CCND1: variants seen among roughly 807,000 people sequenced by gnomAD.
The protein encoded by CCND1 is G1/S-specific cyclin-D1.
CCND1 carries 9 observed loss-of-function variants against 26.1 expected under a neutral mutation model. That is an observed-to-expected ratio of 0.35 (90% confidence interval 0.21 to 0.60). The LOEUF is 0.60. CCND1 is among the 20% of genes least tolerant of loss of function. The pLI is 0.79. For missense variants in CCND1, 335 were observed against 392.9 expected (o/e 0.85, Z 1.25); for synonymous variants, 194 against 166.1 (o/e 1.17, Z -1.29).
rs1207287453 is a variant in CCND1, at chr11:69,651,843, T to C, written c.*561T>C. The C allele has an allele frequency of 4.3e-6, 1 of 233,340 alleles. No homozygotes were observed. Among genetic ancestry groups the C allele is most frequent in the African/African-American group, 2.2e-5 (1 of 45,492 alleles). The allele number at this position is 233,340 out of a possible 1,614,324, so 14.5% of individuals were successfully genotyped here. ...TGGGGTTCTAGGCATCTCTGTACTT[T>C]GCTTGCTCATATGCATGTAGTCACT... On this transcript the variant is annotated 3_prime_UTR_variant, in exon 5 of 5. Transcript: ENST00000227507.
chr11:69,653,506 T>C lies in CCND1; in HGVS notation c.*2224T>C. 1.8e-6 allele frequency: 1 copy of C among 570,032 alleles called. No individual in the cohort carries two copies. Among genetic ancestry groups the C allele is most frequent in the Non-Finnish European group, 3.1e-6 (1 of 326,786 alleles). The allele number at this position is 570,032 out of a possible 1,614,324, so 35.3% of individuals were successfully genotyped here. On this transcript the variant is annotated 3_prime_UTR_variant, in exon 5 of 5. Transcript: ENST00000227507. ...GTTGCTGTTTCACAATACCTCATGC[T>C]TCACTTAGCCATGGTGGACCCAGCG...
rs560293043 is a variant in CCND1 at position 69,645,235 on chromosome 11, G to A, written c.574+1244G>A. Among the ~76,000 whole-genome samples, 6 of 152,322 alleles carry A rather than the reference G, an allele frequency of 3.9e-5. No individual in the cohort carries two copies. The South Asian group carries it at 1.2e-3, about 32-fold the overall frequency. ...TCTCTGGCTGGTGCTCCTCAGAGGA[G>A]AGAGGCCTCCGGAGACTCCAGACAG... On this transcript the variant is annotated intron_variant, in intron 3 of 4. Coordinates refer to ENST00000227507, the MANE Select transcript of CCND1 (RefSeq NM_053056.3).
intron 2 of CCND1, 167 bp downstream of exon 2, chr11:69,643,413 C>A: frequency 1.9e-6 from 1 of 537,082 alleles, no homozygotes; most frequent in Non-Finnish European, 3.1e-6. Context: ...GGGCGGGATC[C>A]TAGCCGCCCT....
At chr11:69,647,481 C>A (rs1377139725) in intron 3 of CCND1, among the ~76,000 whole-genome samples, 3 of 150,944 alleles carry the variant, frequency 2.0e-5, no homozygotes. Context: ...GCCCCGTGGC[C>A]TGGCCCGGGT....
intron 3 of CCND1, among the ~76,000 whole-genome samples, chr11:69,645,019 C>T (rs954009331): frequency 3.9e-5 from 6 of 152,182 alleles, no homozygotes; most frequent in South Asian, 2.1e-4. Flanking sequence ...ACCGGTAGCC[C>T]GCAGCCGGTA....
intron 1 of CCND1, 128 bp from the exon 2 acceptor site, chr11:69,642,903 G>T: frequency 2.0e-6 from 1 of 492,466 alleles, no homozygotes; most frequent in Non-Finnish European, 3.3e-6. Context: ...AGCTCCTGCC[G>T]CCCCCAGCCC....
intron 1 of CCND1, among the ~76,000 whole-genome samples, chr11:69,641,894 G>A (rs1450888585): frequency 6.6e-6 from 1 of 152,176 alleles, no homozygotes; most frequent in Non-Finnish European, 1.5e-5. Context: ...CCGGGGGGAG[G>A]GGGCATAGAT....
At chr11:69,647,413 G>T (rs1042656644) in intron 3 of CCND1, among the ~76,000 whole-genome samples, 1 of 151,958 alleles carries the variant, frequency 6.6e-6, no homozygotes, top group Admixed American at 6.5e-5. Context: ...CGCCCTGAAG[G>T]CTGCCGGCCA....
chr11:69,643,649 C>T lies in CCND1; in HGVS notation c.415-183C>T, dbSNP rs866785985. On this transcript the variant is annotated intron_variant, in intron 2 of 4. Coordinates refer to ENST00000227507, the MANE Select transcript of CCND1 (RefSeq NM_053056.3). ...TTTTGATCTGGGATTGCGTGTTGCC[C>T]CAGCTCCCTTGAGTCCCCAGCATTC... 4.9e-4 allele frequency: 279 copies of T among 568,014 alleles called. 1 individual carries two copies. The highest frequency in any genetic ancestry group is 1.9e-3 in the Middle Eastern group (4 of 2,118). The allele number at this position is 568,014 out of a possible 1,614,324, so 35.2% of individuals were successfully genotyped here.
Position 69,641,248 on chromosome 11 carries a change from G to C in CCND1, c.-66G>C. 6.8e-7 allele frequency: 1 copy of C among 1,478,524 alleles called. No individual in the cohort carries two copies. The highest frequency in any genetic ancestry group is 9.3e-7 in the Non-Finnish European group (1 of 1,070,774). The allele number at this position is 1,478,524 out of a possible 1,614,324, so 91.6% of individuals were successfully genotyped here. A position where few individuals can be genotyped will look rare whatever the true frequency, so the allele number is the denominator to read the frequency against. ...CGAGGGAGCGCGGGGCAGCAGAAGC[G>C]AGAGCCGAGCGCGGACCCAGCCAGG... On this transcript the variant is annotated 5_prime_UTR_variant, in exon 1 of 5. Coordinates refer to ENST00000227507, the MANE Select transcript of CCND1 (RefSeq NM_053056.3).
At position 69,654,393 on chromosome 11, in the gene CCND1, C is replaced by A. The variant is rs1357795577; in HGVS notation, c.*3111C>A. ...CTGGTTGCACCGCGGCGCTTCCCAG[C>A]ACCAACATGTAACCGGCATGTTTCC... On this transcript the variant is annotated 3_prime_UTR_variant, in exon 5 of 5. Transcript: ENST00000227507. This position sits in a 1 kb window ranked among gnomAD's most constrained non-coding sequence, Gnocchi z 6.3. The A allele has an allele frequency of 1.0e-5, 7 of 699,694 alleles. No individual in the cohort carries two copies. In the East Asian group the frequency reaches 1.9e-4, roughly 19 times the overall value. 43.3% of individuals were successfully genotyped at this position (699,694 alleles called of 1,614,324 possible).
At chr11:69,642,141 G>C (rs902992652) in intron 1 of CCND1, among the ~76,000 whole-genome samples, 48 of 152,218 alleles carry the variant, frequency 3.2e-4, no homozygotes, top group Admixed American at 9.1e-4. Context: ...ACGCCGCTAG[G>C]GAAGGGGGGG....
intron 2 of CCND1, chr11:69,643,455 A>C: frequency 2.1e-6 from 1 of 467,394 alleles, no homozygotes. Flanking sequence ...CTTGCCTGCG[A>C]CTCCCACCGC....
intron 4 of CCND1, among the ~76,000 whole-genome samples, chr11:69,648,958 G>A (rs114756371): frequency 1.2e-4 from 19 of 152,328 alleles, no homozygotes; most frequent in African/African-American, 2.9e-4. Context: ...CCTCTGTCCC[G>A]GGGACACTGG....
chr11:69,641,531 T>C lies in CCND1; in HGVS notation c.198+20T>C, dbSNP rs2120082040. On this transcript the variant is annotated intron_variant, in intron 1 of 4. Transcript: ENST00000227507. ...CTGGAGGTGCGGGGCTTCGGGCGGC[T>C]CTCTTAAGACTTCCCTGCAACTTGT... The C allele has an allele frequency of 6.2e-7, 1 of 1,611,668 alleles. No individual in the cohort carries two copies. The highest frequency in any genetic ancestry group is 8.5e-7 in the Non-Finnish European group (1 of 1,179,430).
intron 3 of CCND1, among the ~76,000 whole-genome samples, chr11:69,645,471 C>T (rs1424575262): frequency 6.6e-6 from 1 of 152,092 alleles, no homozygotes; most frequent in African/African-American, 2.4e-5. Context: ...GCGCCCCCAG[C>T]GGTGGGTGAA....
Position 69,652,998 on chromosome 11 carries a change from G to A in CCND1, c.*1716G>A, listed in dbSNP as rs1313711693. 3.4e-5 allele frequency: 14 copies of A among 414,758 alleles called. No homozygotes were observed. The highest frequency in any genetic ancestry group is 5.1e-5 in the Non-Finnish European group (12 of 234,388). The allele number at this position is 414,758 out of a possible 1,614,324, so 25.7% of individuals were successfully genotyped here. ...AAATTAGGGTACTCAACCTAAGTTCGGTTCCGATGAATTCTTATCCCCTGC... is the reference window on the plus strand; with the variant it reads ...AAATTAGGGTACTCAACCTAAGTTCAGTTCCGATGAATTCTTATCCCCTGC... On this transcript the variant is annotated 3_prime_UTR_variant, in exon 5 of 5. Coordinates refer to ENST00000227507, the MANE Select transcript of CCND1 (RefSeq NM_053056.3).
At position 69,651,358 on chromosome 11, in the gene CCND1, C is replaced by G. The variant is rs957390352; in HGVS notation, c.*76C>G. On this transcript the variant is annotated 3_prime_UTR_variant, in exon 5 of 5. Coordinates refer to ENST00000227507, the MANE Select transcript of CCND1 (RefSeq NM_053056.3). The stretch of plus-strand genomic sequence containing the variant: ...GCCCCAGGTGCTCCCCTGACAGTCC[C>G]TCCTCTCCGGAGCATTTTGATACCA... The G allele has an allele frequency of 8.0e-7, 1 of 1,253,116 alleles. No homozygotes were observed. Among genetic ancestry groups the G allele is most frequent in the Non-Finnish European group, 1.1e-6 (1 of 951,446 alleles). 77.6% of individuals were successfully genotyped at this position (1,253,116 alleles called of 1,614,324 possible). A position where few individuals can be genotyped will look rare whatever the true frequency, so the allele number is the denominator to read the frequency against.
chr11:69,654,317 T>C lies in CCND1; in HGVS notation c.*3035T>C. 1 of 702,590 alleles carries C rather than the reference T, an allele frequency of 1.4e-6. No homozygotes were observed. Among genetic ancestry groups the C allele is most frequent in the Non-Finnish European group, 2.6e-6 (1 of 385,004 alleles). 43.5% of individuals were successfully genotyped at this position (702,590 alleles called of 1,614,324 possible). ...ACGGGGCACAGCGGAGTCTGTCCTG[T>C]GACGCGCAAGTCTGAGGGTCTGGGC... On this transcript the variant is annotated 3_prime_UTR_variant, in exon 5 of 5. Coordinates refer to ENST00000227507, the MANE Select transcript of CCND1 (RefSeq NM_053056.3). The surrounding 1 kb of genome is among the most constrained non-coding windows in gnomAD (Gnocchi z 6.3).
Sources: allele counts gnomAD v4.1 joint callset (sites outside exome capture counted in the v4.1 genomes callset), GRCh38; gene constraint gnomAD v4.1.1; non-coding constraint Gnocchi (gnomAD v3.1); transcripts MANE v1.5; gene names NCBI Gene and HGNC (gene_info 2026-07-23, HGNC 2026-07-21).